Variants in DPP10 observed in about 807,000 individuals in gnomAD.
DPP10 encodes dipeptidyl peptidase like 10, also known as inactive dipeptidyl peptidase 10.
Under a neutral mutation model 120.9 loss-of-function variants are expected in DPP10, and 33 were observed. The observed-to-expected ratio is 0.27, with a 90% CI of 0.21 to 0.37. The LOEUF (loss-of-function observed/expected upper bound fraction) is 0.37. DPP10 is among the 10% of genes least tolerant of loss of function. The probability of loss-of-function intolerance (pLI) is 1.00; values close to 1 mark genes in which losing one functional copy is unlikely to be tolerated. For missense variants in DPP10, 816 were observed against 942.8 expected (o/e 0.87, Z 1.76); for synonymous variants, 337 against 326.1 (o/e 1.03, Z -0.36).
At chr2:114,687,643 G>T (rs1019259520) in intron 1 of DPP10, among the ~76,000 whole-genome samples, 1 of 151,992 alleles carries the variant, frequency 6.6e-6, no homozygotes, top group Non-Finnish European at 1.5e-5. Flanking sequence ...ATGAACAGCT[G>T]TTCTGAAGCT....
intron 1 of DPP10, among the ~76,000 whole-genome samples, chr2:114,698,764 G>T (rs1700213738): frequency 6.6e-6 from 1 of 152,084 alleles, no homozygotes. Flanking sequence ...GCAACTGCCT[G>T]CCTGGCTTCT....
intron 1 of DPP10, among the ~76,000 whole-genome samples, chr2:114,764,715 C>T (rs1352845236): frequency 6.6e-6 from 1 of 151,878 alleles, no homozygotes; most frequent in African/African-American, 2.4e-5. Context: ...ATATAAATAA[C>T]ATTTTGATGT....
In DPP10 at chr2:114,644,368, G is replaced by A. The variant is rs1162807688; in HGVS notation, c.60+201530G>A. ...TGTGTGTGTGTGTGTGTGTGTGTCT[G>A]TGTGTGTGTGTATTATATATACAAC... is the stretch of plus-strand genomic sequence containing the variant. On this transcript the variant is annotated intron_variant, in intron 1 of 25. Coordinates refer to ENST00000410059, the MANE Select transcript of DPP10 (RefSeq NM_020868.6). Among the ~76,000 whole-genome samples, 6 of 150,454 alleles carry A rather than the reference G, an allele frequency of 4.0e-5. 1 individual carries two copies. The highest frequency in any genetic ancestry group is 4.0e-4 in the Admixed American group (6 of 15,154).
intron 1 of DPP10, among the ~76,000 whole-genome samples, chr2:114,867,784 A>G (rs1336714808): frequency 6.6e-6 from 1 of 152,178 alleles, no homozygotes; most frequent in Non-Finnish European, 1.5e-5. Context: ...GAGCACAGCA[A>G]GATGTTGCTG....
Position 114,764,143 on chromosome 2 carries a change from A to T in DPP10, c.60+321305A>T, listed in dbSNP as rs566516545. 1.4e-3 allele frequency among the ~76,000 whole-genome samples: 209 copies of T among 152,284 alleles called. 1 individual carries two copies. Among genetic ancestry groups the T allele is most frequent in the African/African-American group, 4.9e-3 (203 of 41,570 alleles). On this transcript the variant is annotated intron_variant, in intron 1 of 25. Coordinates refer to ENST00000410059, the MANE Select transcript of DPP10 (RefSeq NM_020868.6). ...AGGAAGTCTTCAACTGTATTACTAAATGATATTGCAGTGAACATCAAAAAT... is the reference window on the plus strand; with the variant it reads ...AGGAAGTCTTCAACTGTATTACTAATTGATATTGCAGTGAACATCAAAAAT...
intron 1 of DPP10, among the ~76,000 whole-genome samples, chr2:114,605,586 G>C (rs77827592): frequency 5.8e-4 from 88 of 152,148 alleles, no homozygotes; most frequent in Middle Eastern, 3.4e-3. Flanking sequence ...TCAGGGATAG[G>C]CTACTCGTAG....
rs534676428 is a variant in DPP10, at chr2:115,608,385, G to A, written c.442-81302G>A. 1.3e-4 allele frequency among the ~76,000 whole-genome samples: 20 copies of A among 151,080 alleles called. No individual in the cohort carries two copies. The South Asian group carries it at 2.3e-3, about 18-fold the overall frequency. ...ACCCTGGGCAACAGAACAAGACACCGTCTCAAACAACAACAATAATAACAA... is the reference window on the plus strand; with the variant it reads ...ACCCTGGGCAACAGAACAAGACACCATCTCAAACAACAACAATAATAACAA... On this transcript the variant is annotated intron_variant, in intron 5 of 25. Transcript: ENST00000410059.
chr2:114,685,948 T>G (rs1214205543), intron 1 of DPP10, among the ~76,000 whole-genome samples: 1 of 152,010 alleles, frequency 6.6e-6, no homozygotes, highest in Non-Finnish European at 1.5e-5. Context: ...CCCTTGATTT[T>G]GTTCTTTAAT....
chr2:114,830,339 G>C (rs763796507), intron 1 of DPP10, among the ~76,000 whole-genome samples: 3 of 151,474 alleles, frequency 2.0e-5, no homozygotes, highest in Non-Finnish European at 2.9e-5. Flanking sequence ...CAAAGATGAC[G>C]CATGTTTCCC....
intron 1 of DPP10, among the ~76,000 whole-genome samples, chr2:115,012,031 C>A (rs1037229372): frequency 6.6e-6 from 1 of 151,984 alleles, no homozygotes; most frequent in Admixed American, 6.6e-5. Context: ...ACTTCCCTGG[C>A]AACCTGGATG....
At chr2:115,622,829 C>CTTTTTTTTTTTTTT (rs765780452) in intron 5 of DPP10, among the ~76,000 whole-genome samples, 37 of 128,296 alleles carry the variant, frequency 2.9e-4, no homozygotes, top group African/African-American at 5.0e-4. Flanking sequence ...TTCGTTTATT[C>CTTTTTTTTTTTTTT]TTTTTTTTTT....
intron 1 of DPP10, among the ~76,000 whole-genome samples, chr2:115,242,710 G>T (rs1341547906): frequency 6.7e-6 from 1 of 148,896 alleles, no homozygotes. Context: ...ATTATTGCCA[G>T]AGTAAGGTGG....
chr2:115,631,401 C>A (rs2085860716), intron 5 of DPP10, among the ~76,000 whole-genome samples: 2 of 151,864 alleles, frequency 1.3e-5, no homozygotes, highest in Admixed American at 1.3e-4. Flanking sequence ...TTTTGGGTCC[C>A]TTTCTCCTTC....
intron 1 of DPP10, among the ~76,000 whole-genome samples, chr2:115,126,618 C>T (rs1243865785): frequency 2.6e-5 from 4 of 152,104 alleles, no homozygotes; most frequent in African/African-American, 9.7e-5. Context: ...TATATATAAT[C>T]GGAGTTGTTT....
chr2:114,485,017 C>G (rs1332056372), intron 1 of DPP10, among the ~76,000 whole-genome samples: 1 of 151,532 alleles, frequency 6.6e-6, no homozygotes, highest in African/African-American at 2.4e-5. Context: ...ATTTTACTAG[C>G]ACAAACTGAG....
At position 115,556,565 on chromosome 2, in the gene DPP10, G is replaced by C. The variant is rs115957951; in HGVS notation, c.441+30593G>C. On this transcript the variant is annotated intron_variant, in intron 5 of 25. Coordinates refer to ENST00000410059, the MANE Select transcript of DPP10 (RefSeq NM_020868.6). Reference sequence around the variant, plus strand: ...ACAGCAACATCAGAATCCTAATTGTGTGCCAGCAGAAACAGTGCTATTAGA... The same window carrying C: ...ACAGCAACATCAGAATCCTAATTGTCTGCCAGCAGAAACAGTGCTATTAGA... 3.5e-3 allele frequency among the ~76,000 whole-genome samples: 528 copies of C among 152,148 alleles called. 2 individuals are homozygous for C. Among genetic ancestry groups the C allele is most frequent in the African/African-American group, 0.012 (491 of 41,496 alleles).
intron 3 of DPP10, among the ~76,000 whole-genome samples, chr2:115,435,947 C>A (rs2071454970): frequency 6.6e-6 from 1 of 151,766 alleles, no homozygotes; most frequent in Non-Finnish European, 1.5e-5. Flanking sequence ...ATTAAGGAGC[C>A]TGTCCTTTTT....
chr2:115,055,700 C>T lies in DPP10; in HGVS notation c.61-253539C>T, dbSNP rs1017526317. 4.6e-5 allele frequency among the ~76,000 whole-genome samples: 7 copies of T among 152,144 alleles called. No individual in the cohort carries two copies. In the South Asian group the frequency reaches 8.3e-4, roughly 18 times the overall value. On this transcript the variant is annotated intron_variant, in intron 1 of 25. Transcript: ENST00000410059. ...ATGACTCATTGCAACACTGGTAGAA[C>T]GGGCATCATTTGTCTGCCACCCAGT...
At chr2:115,438,262 A>T (rs1469170045) in intron 3 of DPP10, among the ~76,000 whole-genome samples, 1 of 152,154 alleles carries the variant, frequency 6.6e-6, no homozygotes, top group Non-Finnish European at 1.5e-5. Context: ...GTTAACAAGG[A>T]TGTGGAGAAA....
Sources: gnomAD v4.1 joint callset for allele counts (sites outside exome capture counted in the v4.1 genomes callset) on GRCh38, gnomAD v4.1.1 for gene constraint, MANE v1.5 for transcripts, NCBI Gene and HGNC (gene_info 2026-07-23, HGNC 2026-07-21) for gene names.